Variants in SLC22A6 observed in about 807,000 individuals in gnomAD.
The protein encoded by SLC22A6 is solute carrier family 22 member 6.
SLC22A6 carries 45 observed loss-of-function variants against 56.7 expected under a neutral mutation model. The observed-to-expected ratio is 0.79, with a 90% CI of 0.63 to 1.02. The LOEUF is 1.02. Among genes scored for constraint, SLC22A6 ranks in the 50% least tolerant of loss-of-function variants. The pLI, the probability that SLC22A6 is intolerant of heterozygous loss-of-function variation, is 0.00. For synonymous variants in SLC22A6, 291 were observed against 295.9 expected, an observed-to-expected ratio of 0.98 and a Z score of 0.17; for missense variants, 606 against 713.8, an observed-to-expected ratio of 0.85 and a Z score of 1.72.
At position 62,981,260 on chromosome 11, in the gene SLC22A6, C is replaced by T. The variant is rs1349131036; in HGVS notation, c.921G>A (p.Glu307=). The T allele has an allele frequency of 5.6e-6, 9 of 1,609,646 alleles. No homozygotes were observed. The African/African-American group carries it at 8.0e-5, about 14-fold the overall frequency. The change falls in exon 5 of 10, where the codon GAG becomes GAA. Residue 307 remains glutamate, a splice_region_variant and synonymous_variant. Coordinates refer to ENST00000360421, the MANE Select transcript of SLC22A6 (RefSeq NM_153276.3). Reference sequence around the variant, plus strand: ...CATGGGAAGTCTCAGGGGATCTCACCTCCATACTCAATTTGGCTCCTTCTT... The same window carrying T: ...CATGGGAAGTCTCAGGGGATCTCACTTCCATACTCAATTTGGCTCCTTCTT... The part of the protein sequence containing the change: ...KREEGAKLSM[E]VLRASLQKEL...
At chr11:62,978,536 C>A (rs113049904) in intron 8 of SLC22A6, among the ~76,000 whole-genome samples, 2 of 147,540 alleles carry the variant, frequency 1.4e-5, no homozygotes, top group African/African-American at 5.1e-5. Context: ...TTAGTACAGA[C>A]GGAGTTTCAC....
chr11:62,979,608 G>T lies in SLC22A6; in HGVS notation c.1253-12C>A. The T allele has an allele frequency of 6.2e-7, 1 of 1,610,112 alleles. No individual in the cohort carries two copies. Among genetic ancestry groups the T allele is most frequent in the Non-Finnish European group, 8.5e-7 (1 of 1,176,370 alleles). On this transcript the variant is annotated splice_polypyrimidine_tract_variant and intron_variant, in intron 7 of 9. Coordinates refer to ENST00000360421, the MANE Select transcript of SLC22A6 (RefSeq NM_153276.3). ...GACAATGGACTGGTCTAGAGAGAAAGAAGGGGGGATAGCAGGAGCTTGGGA... is the reference window on the plus strand; with the variant it reads ...GACAATGGACTGGTCTAGAGAGAAATAAGGGGGGATAGCAGGAGCTTGGGA...
At chr11:62,979,691 A>T (rs1040081461) in intron 7 of SLC22A6, 43 bp downstream of exon 7, 13 of 1,602,598 alleles carry the variant, frequency 8.1e-6, no homozygotes, top group Non-Finnish European at 1.1e-5. Context: ...ATGTGTGGGG[A>T]TGGGGCTGAG....
chr11:62,984,273 C>A, intron 1 of SLC22A6, 49 bp downstream of exon 1: 1 of 1,570,246 alleles, frequency 6.4e-7, no homozygotes, highest in Non-Finnish European at 8.6e-7. Flanking sequence ...TTAACAAAGG[C>A]CCCCATCTTC....
rs2086294571 is a variant in SLC22A6, at chr11:62,984,461, G to C, written c.230C>G (p.Ser77Cys). 1 of 1,613,800 alleles carries C rather than the reference G, an allele frequency of 6.2e-7. No individual in the cohort carries two copies. Among genetic ancestry groups the C allele is most frequent in the Non-Finnish European group, 8.5e-7 (1 of 1,179,988 alleles). The change falls in exon 1 of 10, where the codon TCC becomes TGC. Residue 77 changes from serine (S) to cysteine (C), a missense_variant. Coordinates refer to ENST00000360421, the MANE Select transcript of SLC22A6 (RefSeq NM_153276.3). ...LPRDRQGQPE[S>C]CLRFTSPQWG... ...CTGCGGGGAGGTGAAGCGGAGGCAG[G>C]ACTCAGGCTGCCCCTGCCTGTCCCG...
intron 3 of SLC22A6, among the ~76,000 whole-genome samples, chr11:62,982,240 T>TG (rs2086264351): frequency 6.6e-6 from 1 of 152,170 alleles, no homozygotes; most frequent in Non-Finnish European, 1.5e-5. Context: ...TTTTTTTTTT[T>TG]TCTGCTCCTC....
chr11:62,984,455 A>G lies in SLC22A6; in HGVS notation c.236T>C (p.Leu79Pro). The part of the protein sequence containing the change: ...RDRQGQPESC[L>P]RFTSPQWGLP... ...TCCCCACTGCGGGGAGGTGAAGCGG[A>G]GGCAGGACTCAGGCTGCCCCTGCCT... The change falls in exon 1 of 10, where the codon CTC becomes CCC. Residue 79 changes from leucine to proline, a missense_variant. Leu to Pro is a moderately conservative substitution (Grantham distance 98, BLOSUM62 -3). Coordinates refer to ENST00000360421, the MANE Select transcript of SLC22A6 (RefSeq NM_153276.3). The G allele has an allele frequency of 1.2e-6, 2 of 1,613,898 alleles. No homozygotes were observed. Among genetic ancestry groups the G allele is most frequent in the South Asian group, 1.1e-5 (1 of 91,078 alleles).
chr11:62,978,393 G>A (rs2086214529), intron 8 of SLC22A6, among the ~76,000 whole-genome samples: 1 of 146,660 alleles, frequency 6.8e-6, no homozygotes, highest in Non-Finnish European at 1.5e-5. Flanking sequence ...TCTTGCTGGG[G>A]CTGGAGTGCA....
chr11:62,982,157 G>T, intron 3 of SLC22A6, 147 bp from the exon 4 acceptor site: 1 of 703,666 alleles, frequency 1.4e-6, no homozygotes, highest in South Asian at 2.0e-5. Flanking sequence ...GGGAGTGGGG[G>T]AATTTCAGTG....
intron 3 of SLC22A6, 112 bp from the exon 4 acceptor site, chr11:62,982,122 C>T (rs1261746450): frequency 1.2e-5 from 12 of 1,027,910 alleles, no homozygotes; most frequent in Admixed American, 5.5e-5. Flanking sequence ...GAAAATGCAT[C>T]GAGTAAGTTG....
intron 7 of SLC22A6, 67 bp from the exon 8 acceptor site, chr11:62,979,663 C>T: frequency 6.3e-7 from 1 of 1,594,044 alleles, no homozygotes; most frequent in Non-Finnish European, 8.6e-7. Context: ...GGCCCCCTCC[C>T]TTCTGAGATA....
chr11:62,980,950 C>A, intron 6 of SLC22A6, 35 bp downstream of exon 6: 1 of 1,545,952 alleles, frequency 6.5e-7, no homozygotes, highest in Non-Finnish European at 8.8e-7. Flanking sequence ...CCCAGCCAGC[C>A]TTTTGTCTCA....
At chr11:62,980,035 G>A in intron 6 of SLC22A6, 87 bp from the exon 7 acceptor site, 1 of 888,348 alleles carries the variant, frequency 1.1e-6, no homozygotes, top group Non-Finnish European at 1.9e-6. Context: ...ACTGCATTGG[G>A]TACCCTGCTT....
At chr11:62,982,290 G>A (rs529100922) in intron 3 of SLC22A6, among the ~76,000 whole-genome samples, 7 of 151,800 alleles carry the variant, frequency 4.6e-5, no homozygotes, top group African/African-American at 1.5e-4. Flanking sequence ...TCTCCATTGA[G>A]AGCACCTCTG....
chr11:62,978,309 G>GT (rs376556547), intron 8 of SLC22A6, among the ~76,000 whole-genome samples: 11 of 133,318 alleles, frequency 8.3e-5, no homozygotes, highest in Admixed American at 3.0e-4. Context: ...TCCCATTCTT[G>GT]TTTATTTTAT....
intron 8 of SLC22A6, among the ~76,000 whole-genome samples, chr11:62,978,383 T>G (rs987447709): frequency 1.1e-4 from 16 of 146,160 alleles, no homozygotes; most frequent in African/African-American, 3.5e-4. Flanking sequence ...AGTCTCACTC[T>G]CTTGCTGGGG....
intron 1 of SLC22A6, 47 bp from the exon 2 acceptor site, chr11:62,984,094 G>C (rs1243899320): frequency 7.2e-6 from 10 of 1,386,904 alleles, no homozygotes; most frequent in Non-Finnish European, 9.1e-6. Context: ...CCTGGCTTCA[G>C]AGAATCCCCT....
chr11:62,981,748 G>T, intron 4 of SLC22A6, 94 bp downstream of exon 4: 1 of 1,265,076 alleles, frequency 7.9e-7, no homozygotes, highest in South Asian at 1.5e-5. Context: ...CTACATTTGT[G>T]GGATGGGATG....
intron 3 of SLC22A6, among the ~76,000 whole-genome samples, chr11:62,982,825 A>C (rs1310562886): frequency 2.0e-5 from 3 of 152,090 alleles, no homozygotes; most frequent in Non-Finnish European, 4.4e-5. Context: ...TATTAGAGTT[A>C]ATTGCAAACA....
Sources: gnomAD v4.1 joint callset for allele counts (sites outside exome capture counted in the v4.1 genomes callset) on GRCh38, gnomAD v4.1.1 for gene constraint, MANE v1.5 for transcripts, NCBI Gene and HGNC (gene_info 2026-07-23, HGNC 2026-07-21) for gene names.